AKAP13: variants seen among roughly 807,000 people sequenced by gnomAD.
AKAP13 encodes the protein A-kinase anchor protein 13.
A neutral mutation model predicts 264.5 loss-of-function variants in AKAP13; 80 were observed. That is an observed-to-expected ratio of 0.30 (90% CI 0.25 to 0.36). The LOEUF (loss-of-function observed/expected upper bound fraction) is 0.36. Ranked by LOEUF, AKAP13 falls within the 10% of genes least tolerant of loss-of-function variation. AKAP13 has a pLI of 1.00. For missense variants in AKAP13, 3,712 were observed against 3,435.2 expected, an observed-to-expected ratio of 1.08 and a Z score of -2.01; for synonymous variants, 1,380 against 1,250.2, an observed-to-expected ratio of 1.10 and a Z score of -2.19.
At chr15:85,684,623 G>T (rs1049078931) in intron 15 of AKAP13, 118 bp from the exon 16 acceptor site, 36 of 1,054,650 alleles carry the variant, frequency 3.4e-5, no homozygotes, top group Non-Finnish European at 4.8e-5. Flanking sequence ...GAACCTGGGC[G>T]TTGTGGCATA....
intron 16 of AKAP13, chr15:85,693,018 T>C: frequency 7.3e-6 from 3 of 412,814 alleles, no homozygotes; most frequent in East Asian, 1.1e-4. Flanking sequence ...TTGTGTCTGT[T>C]GGTAGAAGTA....
Position 85,453,351 on chromosome 15 carries a change from C to T in AKAP13, c.-11-32359C>T, listed in dbSNP as rs183865598. On this transcript the variant is annotated intron_variant, in intron 1 of 36. Transcript: ENST00000394518. Reference sequence around the variant, plus strand: ...GAGGAGATATGGGATCAGCCACCCACGTAACAGTGGGGCCACTTTTCCCTA... The same window carrying T: ...GAGGAGATATGGGATCAGCCACCCATGTAACAGTGGGGCCACTTTTCCCTA... 9.2e-4 allele frequency among the ~76,000 whole-genome samples: 140 copies of T among 152,186 alleles called. 1 individual carries two copies. The highest frequency in any genetic ancestry group is 3.3e-3 in the African/African-American group (137 of 41,506).
chr15:85,559,245 C>T (rs1220664274), intron 5 of AKAP13, among the ~76,000 whole-genome samples: 2 of 152,096 alleles, frequency 1.3e-5, no homozygotes, highest in East Asian at 3.8e-4. Context: ...CAATAACTGT[C>T]ATGGAATAGA....
chr15:85,660,027 T>C (rs1021046732), intron 12 of AKAP13, among the ~76,000 whole-genome samples: 1 of 152,184 alleles, frequency 6.6e-6, no homozygotes. Context: ...TTGTAGACCA[T>C]CTGCAGCTTC....
chr15:85,466,276 G>C (rs1416746555), intron 1 of AKAP13, among the ~76,000 whole-genome samples: 6 of 151,874 alleles, frequency 4.0e-5, no homozygotes, highest in Non-Finnish European at 7.4e-5. Context: ...TGACTAGGTT[G>C]TGAAAATTTT....
chr15:85,664,686 C>A lies in AKAP13; in HGVS notation c.4923C>A (p.Asp1641Glu). 1 of 1,614,104 alleles carries A rather than the reference C, an allele frequency of 6.2e-7. No individual in the cohort carries two copies. The highest frequency in any genetic ancestry group is 8.5e-7 in the Non-Finnish European group (1 of 1,179,976). ...CATTCAGTGGTGAGGAACGGGTTGA[C>A]TCTTTGGTGTCACTTTCAGAAGAGG... Reference protein sequence around the residue: ...RHPFSGEERVDSLVSLSEEDL... With the variant: ...RHPFSGEERVESLVSLSEEDL... Residue 1641 changes from aspartate to glutamate, a missense_variant, in exon 13 of 37, where the codon GAC becomes GAA. Around this residue, in one of 3 missense-constraint regions of AKAP13, gnomAD observed 2,759 missense variants for 2,411.7 expected, o/e 1.14. Transcript: ENST00000394518.
chr15:85,619,533 G>A (rs2081082711), intron 8 of AKAP13: 15 of 985,356 alleles, frequency 1.5e-5, no homozygotes, highest in Middle Eastern at 1.0e-3. Context: ...AGGAAAAGTA[G>A]ATTTTCTTTG....
At chr15:85,395,543 C>T (rs192428125) in intron 1 of AKAP13, among the ~76,000 whole-genome samples, 76 of 152,150 alleles carry the variant, frequency 5.0e-4, no homozygotes, top group African/African-American at 1.3e-3. Context: ...CTTAGTTAAG[C>T]GGTTAAAGTT....
chr15:85,608,852 A>T (rs1426819926), intron 8 of AKAP13, among the ~76,000 whole-genome samples: 1 of 152,230 alleles, frequency 6.6e-6, no homozygotes, highest in East Asian at 1.9e-4. Context: ...AGACTGGATG[A>T]AGCTAAAGAC....
intron 2 of AKAP13, among the ~76,000 whole-genome samples, chr15:85,514,879 A>G (rs1410017847): frequency 7.4e-6 from 1 of 134,452 alleles, no homozygotes; most frequent in East Asian, 2.1e-4. Flanking sequence ...TTGCCACCTC[A>G]TGGAAAGGTA....
At chr15:85,723,341 C>A in intron 26 of AKAP13, 21 bp downstream of exon 26, 1 of 1,610,780 alleles carries the variant, frequency 6.2e-7, no homozygotes, top group South Asian at 1.1e-5. Context: ...GCTCTTTTGT[C>A]TTAAGTATGT....
intron 1 of AKAP13, among the ~76,000 whole-genome samples, chr15:85,388,324 C>T (rs1249150319): frequency 2.6e-5 from 4 of 152,036 alleles, no homozygotes; most frequent in Admixed American, 6.5e-5. Flanking sequence ...GGATTACAGG[C>T]GTGAGCTACA....
intron 1 of AKAP13, among the ~76,000 whole-genome samples, chr15:85,474,965 C>G (rs1455771259): frequency 6.6e-6 from 1 of 152,176 alleles, no homozygotes; most frequent in Non-Finnish European, 1.5e-5. Flanking sequence ...GAAATCATTC[C>G]TAACAGGTCT....
In AKAP13 at chr15:85,718,561, G is replaced by A. The variant is rs2151719510; in HGVS notation, c.6001+402G>A. 6.6e-6 allele frequency among the ~76,000 whole-genome samples: 1 copy of A among 152,106 alleles called. No individual in the cohort carries two copies. Among genetic ancestry groups the A allele is most frequent in the Non-Finnish European group, 1.5e-5 (1 of 67,998 alleles). On this transcript the variant is annotated intron_variant, in intron 22 of 36. Coordinates refer to ENST00000394518, the MANE Select transcript of AKAP13 (RefSeq NM_007200.5). This position sits in a 1 kb window ranked among gnomAD's most constrained non-coding sequence, Gnocchi z 4.9. ...ATAATTTAAGACTGATGGAATCCGG[G>A]GTACCTATTATCAGAAAATAGGACA...
intron 6 of AKAP13, among the ~76,000 whole-genome samples, chr15:85,576,301 T>G (rs1401082601): frequency 6.6e-6 from 1 of 152,174 alleles, no homozygotes; most frequent in Non-Finnish European, 1.5e-5. Context: ...CAGGAGTATT[T>G]TTACAACTAT....
At chr15:85,716,902 G>T (rs2086982133) in intron 20 of AKAP13, among the ~76,000 whole-genome samples, 1 of 152,214 alleles carries the variant, frequency 6.6e-6, no homozygotes, top group South Asian at 2.1e-4. Context: ...AGTCCAAAGA[G>T]AACATAGTTG....
At chr15:85,447,095 C>T (rs1256939179) in intron 1 of AKAP13, among the ~76,000 whole-genome samples, 2 of 152,036 alleles carry the variant, frequency 1.3e-5, no homozygotes, top group Non-Finnish European at 2.9e-5. Context: ...GATGAAACTC[C>T]ATCTCTACCA....
intron 36 of AKAP13, 51 bp from the exon 37 acceptor site, chr15:85,744,577 A>T (rs1213697118): frequency 6.3e-7 from 1 of 1,597,372 alleles, no homozygotes; most frequent in Admixed American, 1.7e-5. Context: ...AAGTTCAATG[A>T]AAGGAGCAGT....
At chr15:85,504,674 A>G (rs2076151651) in intron 2 of AKAP13, among the ~76,000 whole-genome samples, 1 of 138,242 alleles carries the variant, frequency 7.2e-6, no homozygotes, top group African/African-American at 2.7e-5. Context: ...CCTGGGTGAC[A>G]GGGCCCAACA....
Sources: gnomAD v4.1 joint callset for allele counts (sites outside exome capture counted in the v4.1 genomes callset) on GRCh38, gnomAD v4.1.1 for gene constraint, gnomAD v4.1.1 regional missense constraint, Gnocchi (gnomAD v3.1) non-coding constraint, MANE v1.5 for transcripts, NCBI Gene and HGNC (gene_info 2026-07-23, HGNC 2026-07-21) for gene names.